The following GMDS variants were observed in gnomAD, a reference collection of about 807,000 sequenced individuals.
GMDS encodes GDP-mannose 4,6 dehydratase.
In GMDS, 20 loss-of-function variants were observed where a neutral mutation model predicts 49.9. The ratio of observed to expected loss-of-function variants is 0.40; its 90% CI spans 0.28 to 0.58. The LOEUF (loss-of-function observed/expected upper bound fraction) is 0.58, where lower values mean the gene tolerates loss of function less well. GMDS is among the 20% of genes least tolerant of loss of function. GMDS has a pLI of 0.42. For missense variants in GMDS, 362 were observed against 481.4 expected (o/e 0.75, Z 2.32); for synonymous variants, 177 against 178.6 (o/e 0.99, Z 0.07).
intron 7 of GMDS, among the ~76,000 whole-genome samples, chr6:1,788,174 A>G (rs1389145320): frequency 6.6e-6 from 1 of 152,178 alleles, no homozygotes; most frequent in Admixed American, 6.5e-5. Context: ...AGACAGAGGC[A>G]AAGACTGGGA....
At chr6:2,119,255 A>C (rs1419538949) in intron 2 of GMDS, among the ~76,000 whole-genome samples, 1 of 152,166 alleles carries the variant, frequency 6.6e-6, no homozygotes, top group South Asian at 2.1e-4. Context: ...TATAAACATA[A>C]AAAGCTTTGA....
intron 9 of GMDS, among the ~76,000 whole-genome samples, chr6:1,655,494 CAT>C (rs1359334880): frequency 0.26 from 7,356 of 27,942 alleles, 285 homozygotes; most frequent in East Asian, 0.33. Context: ...CACACACACA[CAT>C]ACACACACAC....
At chr6:1,944,288 C>T (rs1033763641) in intron 6 of GMDS, among the ~76,000 whole-genome samples, 13 of 152,264 alleles carry the variant, frequency 8.5e-5, no homozygotes, top group African/African-American at 3.1e-4. Flanking sequence ...GGACGGATCA[C>T]GAGATCAGGA....
chr6:2,041,544 A>T (rs1291583999), intron 4 of GMDS, among the ~76,000 whole-genome samples: 1 of 152,210 alleles, frequency 6.6e-6, no homozygotes, highest in Non-Finnish European at 1.5e-5. Flanking sequence ...CTTTTAAAAC[A>T]TTATCCACTA....
intron 7 of GMDS, among the ~76,000 whole-genome samples, chr6:1,757,174 A>C (rs1767981312): frequency 1.3e-5 from 2 of 152,200 alleles, no homozygotes; most frequent in African/African-American, 2.4e-5. Flanking sequence ...TATCTTTAAC[A>C]TCGTGCAGTG....
At chr6:1,840,749 C>T (rs541828095) in intron 7 of GMDS, among the ~76,000 whole-genome samples, 1 of 152,086 alleles carries the variant, frequency 6.6e-6, no homozygotes, top group Non-Finnish European at 1.5e-5. Flanking sequence ...TCAAAGGAGC[C>T]AAAACTGGCA....
At chr6:2,013,929 T>C (rs1201186939) in intron 4 of GMDS, among the ~76,000 whole-genome samples, 2 of 6,874 alleles carry the variant, frequency 2.9e-4, no homozygotes, top group African/African-American at 4.2e-4. Context: ...AAAAACCATA[T>C]ATATATATAT....
chr6:2,149,171 T>C (rs1160600276), intron 1 of GMDS, among the ~76,000 whole-genome samples: 1 of 152,168 alleles, frequency 6.6e-6, no homozygotes, highest in African/African-American at 2.4e-5. Context: ...AAGGGCTTTA[T>C]CTTGGAATGC....
At chr6:2,052,039 C>T (rs189007066) in intron 4 of GMDS, among the ~76,000 whole-genome samples, 1 of 149,402 alleles carries the variant, frequency 6.7e-6, no homozygotes. Flanking sequence ...ATCGCTTGAA[C>T]CTGGGAGGTG....
intron 6 of GMDS, among the ~76,000 whole-genome samples, chr6:1,934,762 GCTCTC>G (rs1762443448): frequency 6.6e-6 from 1 of 151,064 alleles, no homozygotes; most frequent in Non-Finnish European, 1.5e-5. Context: ...TTTTAAATTT[GCTCTC>G]CTCATTTTTA....
intron 8 of GMDS, among the ~76,000 whole-genome samples, chr6:1,737,520 C>CAG (rs1450427175): frequency 6.7e-6 from 1 of 150,346 alleles, no homozygotes; most frequent in Non-Finnish European, 1.5e-5. Context: ...CACACACACA[C>CAG]AGAGATACAC....
intron 4 of GMDS, among the ~76,000 whole-genome samples, chr6:2,098,008 A>AG (rs1194541767): frequency 6.7e-6 from 1 of 150,104 alleles, no homozygotes; most frequent in Non-Finnish European, 1.5e-5. Context: ...TTATGTTTTA[A>AG]GAAAAAAAAA....
At position 1,655,476 on chromosome 6, in the gene GMDS, T is replaced by TACACACAC. The variant is rs751129753; in HGVS notation, c.988-30944_988-30937dup. Among the ~76,000 whole-genome samples, 726 of 81,142 alleles carry TACACACAC rather than the reference T, an allele frequency of 8.9e-3. 5 individuals carry two copies. Among genetic ancestry groups the TACACACAC allele is most frequent in the Non-Finnish European group, 0.015 (533 of 35,392 alleles). The allele number at this position is 81,142 out of a possible 152,430, so 53.2% of individuals were successfully genotyped here. ...TTTTTTTCCTTACGTTTGAAAGCCTTACACACACACACACACACATACACA... is the reference window on the plus strand; with the variant it reads ...TTTTTTTCCTTACGTTTGAAAGCCTTACACACACACACACACACACACACACATACACA... On this transcript the variant is annotated intron_variant, in intron 9 of 10. Transcript: ENST00000380815.
chr6:1,701,735 T>C (rs899735842), intron 9 of GMDS, among the ~76,000 whole-genome samples: 2 of 151,888 alleles, frequency 1.3e-5, no homozygotes, highest in African/African-American at 4.8e-5. Context: ...TATATATTTA[T>C]TATAATAAAT....
At chr6:2,111,037 C>T (rs1774516736) in intron 4 of GMDS, among the ~76,000 whole-genome samples, 1 of 152,182 alleles carries the variant, frequency 6.6e-6, no homozygotes. Flanking sequence ...AAATACTGCA[C>T]TAGGTTCACT....
intron 7 of GMDS, among the ~76,000 whole-genome samples, chr6:1,759,676 A>G (rs554096922): frequency 4.6e-5 from 7 of 152,312 alleles, no homozygotes; most frequent in African/African-American, 1.7e-4. Flanking sequence ...TACGTGCTTT[A>G]AACATTTATA....
intron 4 of GMDS, among the ~76,000 whole-genome samples, chr6:1,984,086 G>C (rs958778638): frequency 6.6e-6 from 1 of 152,176 alleles, no homozygotes; most frequent in Non-Finnish European, 1.5e-5. Flanking sequence ...GATGGAGCTG[G>C]AAGCCATTAT....
At chr6:2,117,654 C>T (rs900028226) in intron 2 of GMDS, 98 bp from the exon 3 acceptor site, 1 of 742,256 alleles carries the variant, frequency 1.3e-6, no homozygotes, top group South Asian at 1.5e-5. Context: ...GATTTGTAAG[C>T]ATTATTTTAA....
intron 1 of GMDS, among the ~76,000 whole-genome samples, chr6:2,194,247 G>A (rs1483398051): frequency 6.6e-6 from 1 of 152,048 alleles, no homozygotes; most frequent in Non-Finnish European, 1.5e-5. Context: ...TGAGTTCAAG[G>A]TTAATTTTTT....
Sources: allele counts gnomAD v4.1 joint callset (sites outside exome capture counted in the v4.1 genomes callset), GRCh38; gene constraint gnomAD v4.1.1; transcripts MANE v1.5; gene names NCBI Gene and HGNC (gene_info 2026-07-23, HGNC 2026-07-21).